CD200R1: variants seen among roughly 807,000 people sequenced by gnomAD.
CD200R1 encodes CD200 receptor 1.
In CD200R1, 30 loss-of-function variants were observed where a neutral mutation model predicts 38.1. That is an observed-to-expected ratio of 0.79 (90% CI 0.59 to 1.07). CD200R1 has a LOEUF of 1.07. Among genes scored for constraint, CD200R1 ranks in the 50% least tolerant of loss-of-function variants. The probability of loss-of-function intolerance (pLI) is 0.00; values close to 1 mark genes in which losing one functional copy is unlikely to be tolerated. For missense variants in CD200R1, 372 were observed against 415.4 expected (o/e 0.90, Z 0.91); for synonymous variants, 128 against 152.1 (o/e 0.84, Z 1.16).
chr3:112,939,021 G>A (rs1055271037), intron 2 of CD200R1, among the ~76,000 whole-genome samples: 1 of 151,786 alleles, frequency 6.6e-6, no homozygotes, highest in Admixed American at 6.6e-5. Context: ...CAAAAACTAG[G>A]TGATTATTTT....
intron 1 of CD200R1, among the ~76,000 whole-genome samples, chr3:112,968,062 T>C (rs934098532): frequency 6.6e-6 from 1 of 152,250 alleles, no homozygotes; most frequent in East Asian, 1.9e-4. Context: ...TTTCTAAAGA[T>C]GAAACAGCTA....
At chr3:112,948,611 C>T (rs116465403) in intron 1 of CD200R1, among the ~76,000 whole-genome samples, 2,696 of 152,244 alleles carry the variant, frequency 0.018, 29 homozygotes, top group South Asian at 0.047. Flanking sequence ...GGAGCTCAGG[C>T]CGCAATTCTC....
At chr3:112,939,926 T>C (rs1456284862) in intron 2 of CD200R1, among the ~76,000 whole-genome samples, 3 of 134,778 alleles carry the variant, frequency 2.2e-5, no homozygotes, top group Non-Finnish European at 3.1e-5. Flanking sequence ...AAATATACCA[T>C]AAAGCTGTAC....
At chr3:112,939,904 T>C (rs1368250618) in intron 2 of CD200R1, among the ~76,000 whole-genome samples, 2 of 136,760 alleles carry the variant, frequency 1.5e-5, no homozygotes, top group African/African-American at 5.5e-5. Context: ...GGCATCACAC[T>C]AACAGACTTC....
intron 1 of CD200R1, among the ~76,000 whole-genome samples, chr3:112,952,555 A>C (rs2107329598): frequency 6.6e-6 from 1 of 152,186 alleles, no homozygotes; most frequent in Admixed American, 6.6e-5. Context: ...CAAACACCGC[A>C]TATTCTCACT....
chr3:112,955,416 A>G (rs1012334282), intron 1 of CD200R1, among the ~76,000 whole-genome samples: 4 of 152,010 alleles, frequency 2.6e-5, no homozygotes, highest in South Asian at 4.1e-4. Flanking sequence ...AGGTGCTTCA[A>G]TGTTGGGTAC....
At chr3:112,924,631 T>C (rs1407319349) in intron 6 of CD200R1, 96 bp from the exon 7 acceptor site, 2 of 698,988 alleles carry the variant, frequency 2.9e-6, no homozygotes, top group Non-Finnish European at 3.9e-6. Context: ...CAATTGTGTT[T>C]AATTTTGATA....
At chr3:112,968,605 T>C (rs1031803174) in intron 1 of CD200R1, among the ~76,000 whole-genome samples, 1 of 152,192 alleles carries the variant, frequency 6.6e-6, no homozygotes, top group Non-Finnish European at 1.5e-5. Flanking sequence ...TGATACCACA[T>C]TAGGCAGCTA....
chr3:112,929,133 T>G (rs1442456519), intron 4 of CD200R1, 57 bp downstream of exon 4: 14 of 1,612,206 alleles, frequency 8.7e-6, no homozygotes, highest in Non-Finnish European at 1.0e-5. Flanking sequence ...CAGAGAGACA[T>G]TTGTTTCCGT....
At chr3:112,940,946 A>G (rs2107317596) in intron 2 of CD200R1, among the ~76,000 whole-genome samples, 1 of 152,048 alleles carries the variant, frequency 6.6e-6, no homozygotes, top group East Asian at 1.9e-4. Context: ...AATGTGGTAT[A>G]TATACACAAT....
intron 2 of CD200R1, among the ~76,000 whole-genome samples, chr3:112,941,841 G>C (rs1224998083): frequency 6.6e-6 from 1 of 151,246 alleles, no homozygotes; most frequent in South Asian, 2.1e-4. Flanking sequence ...AGCCAGAAGG[G>C]AAAAACACCT....
At chr3:112,966,467 A>C (rs1933164975) in intron 1 of CD200R1, among the ~76,000 whole-genome samples, 1 of 152,224 alleles carries the variant, frequency 6.6e-6, no homozygotes, top group South Asian at 2.1e-4. Flanking sequence ...GCTAGATTTT[A>C]TTATTGGGGA....
chr3:112,939,647 C>CA (rs1319988030), intron 2 of CD200R1, among the ~76,000 whole-genome samples: 2 of 151,502 alleles, frequency 1.3e-5, no homozygotes, highest in African/African-American at 4.8e-5. Flanking sequence ...TAAGAAGACA[C>CA]AAAAAATAGA....
chr3:112,952,892 CT>C (rs1485654844), intron 1 of CD200R1, among the ~76,000 whole-genome samples: 2 of 152,080 alleles, frequency 1.3e-5, no homozygotes, highest in African/African-American at 4.8e-5. Flanking sequence ...TCTTTATTTT[CT>C]ATCTGGATCC....
chr3:112,954,509 C>T (rs949308297), intron 1 of CD200R1, among the ~76,000 whole-genome samples: 1 of 152,136 alleles, frequency 6.6e-6, no homozygotes, highest in South Asian at 2.1e-4. Flanking sequence ...ACTGGGAAGA[C>T]CAAGGCATGA....
intron 5 of CD200R1, among the ~76,000 whole-genome samples, chr3:112,925,551 G>C (rs1188129066): frequency 6.6e-6 from 1 of 152,078 alleles, no homozygotes; most frequent in East Asian, 1.9e-4. Context: ...CAAACCCATG[G>C]AATGTACAAC....
intron 2 of CD200R1, among the ~76,000 whole-genome samples, chr3:112,931,533 C>T (rs187930129): frequency 6.6e-6 from 1 of 152,288 alleles, no homozygotes; most frequent in East Asian, 1.9e-4. Context: ...TCTTCAGCTA[C>T]CACTTCCCAA....
At chr3:112,964,853 C>T (rs920959927) in intron 1 of CD200R1, among the ~76,000 whole-genome samples, 3 of 152,008 alleles carry the variant, frequency 2.0e-5, no homozygotes, top group African/African-American at 4.8e-5. Context: ...TAAATTCCCA[C>T]GTGTTGTGGG....
At chr3:112,967,713 T>C (rs1933203539) in intron 1 of CD200R1, among the ~76,000 whole-genome samples, 1 of 152,210 alleles carries the variant, frequency 6.6e-6, no homozygotes, top group South Asian at 2.1e-4. Flanking sequence ...CTCAAACATT[T>C]AGCTGAAATT....
Sources: allele counts gnomAD v4.1 joint callset (sites outside exome capture counted in the v4.1 genomes callset), GRCh38; gene constraint gnomAD v4.1.1; transcripts MANE v1.5; gene names NCBI Gene and HGNC (gene_info 2026-07-23, HGNC 2026-07-21).